Variants in BRINP3 observed in about 807,000 individuals in gnomAD.
BRINP3 encodes the protein BMP/retinoic acid-inducible neural-specific protein 3.
Under a neutral mutation model 71.0 loss-of-function variants are expected in BRINP3, and 19 were observed. That is an observed-to-expected ratio of 0.27 (90% CI 0.19 to 0.39). The LOEUF (loss-of-function observed/expected upper bound fraction) is 0.39, where lower values mean the gene tolerates loss of function less well. Ranked by LOEUF, BRINP3 falls within the 10% of genes least tolerant of loss-of-function variation. The probability of loss-of-function intolerance (pLI) is 1.00; values close to 1 mark genes in which losing one functional copy is unlikely to be tolerated. For missense variants in BRINP3, 959 were observed against 940.8 expected, an observed-to-expected ratio of 1.02 and a Z score of -0.25; for synonymous variants, 380 against 337.7, an observed-to-expected ratio of 1.13 and a Z score of -1.37.
chr1:190,464,131 A>G (rs953397038), intron 1 of BRINP3, among the ~76,000 whole-genome samples: 4 of 145,926 alleles, frequency 2.7e-5, no homozygotes, highest in African/African-American at 1.0e-4. Flanking sequence ...ACGTCTTTCA[A>G]AAAGTGTTTT....
chr1:190,411,158 G>T (rs562418965), intron 2 of BRINP3, among the ~76,000 whole-genome samples: 1 of 152,168 alleles, frequency 6.6e-6, no homozygotes, highest in Non-Finnish European at 1.5e-5. Flanking sequence ...ATACATTAAT[G>T]AACCCTTTCT....
intron 4 of BRINP3, among the ~76,000 whole-genome samples, chr1:190,254,414 G>T (rs1660455048): frequency 6.6e-6 from 1 of 152,012 alleles, no homozygotes; most frequent in East Asian, 1.9e-4. Context: ...AGCATGGAAT[G>T]TTCTTCCATT....
intron 6 of BRINP3, among the ~76,000 whole-genome samples, chr1:190,188,450 T>C (rs986473165): frequency 6.6e-6 from 1 of 152,262 alleles, no homozygotes. Context: ...GGTTTTAGAG[T>C]AAAATCTTTC....
chr1:190,418,441 C>T (rs1673148269), intron 2 of BRINP3, among the ~76,000 whole-genome samples: 1 of 152,088 alleles, frequency 6.6e-6, no homozygotes, highest in Non-Finnish European at 1.5e-5. Flanking sequence ...TTGTTTAAAA[C>T]TCTCCTTTCC....
chr1:190,471,590 A>T (rs1292753455), intron 1 of BRINP3, among the ~76,000 whole-genome samples: 6 of 151,446 alleles, frequency 4.0e-5, no homozygotes, highest in African/African-American at 1.4e-4. Flanking sequence ...TGTCATCCTA[A>T]TTAATTCTAG....
chr1:190,323,958 T>C lies in BRINP3; in HGVS notation c.237-42208A>G, dbSNP rs1415066746. 2.0e-5 allele frequency among the ~76,000 whole-genome samples: 3 copies of C among 152,034 alleles called. No individual in the cohort carries two copies. In the East Asian group the frequency reaches 5.8e-4, roughly 29 times the overall value. ...AAACAAATAAAATATTGGAAAGGTA[T>C]GCTTCTGGCATTACAGAGAGGAACA... On this transcript the variant is annotated intron_variant, in intron 2 of 7. Transcript: ENST00000367462.
At chr1:190,204,377 A>T (rs1459918610) in intron 6 of BRINP3, among the ~76,000 whole-genome samples, 2 of 152,010 alleles carry the variant, frequency 1.3e-5, no homozygotes, top group African/African-American at 4.8e-5. Flanking sequence ...GATTAATAAT[A>T]AAAAATATTT....
At chr1:190,296,521 G>T (rs763759380) in intron 2 of BRINP3, among the ~76,000 whole-genome samples, 2 of 152,022 alleles carry the variant, frequency 1.3e-5, no homozygotes, top group Admixed American at 6.6e-5. Flanking sequence ...ACACAAGGCT[G>T]CCCACACTCA....
At chr1:190,147,898 A>C (rs181092281) in intron 7 of BRINP3, among the ~76,000 whole-genome samples, 1 of 152,294 alleles carries the variant, frequency 6.6e-6, no homozygotes, top group Admixed American at 6.5e-5. Flanking sequence ...TCTAGAAATA[A>C]ACAGGCCTGG....
chr1:190,234,581 A>G (rs370081518), intron 4 of BRINP3, 104 bp from the exon 5 acceptor site: 1 of 791,270 alleles, frequency 1.3e-6, no homozygotes, highest in Middle Eastern at 2.4e-4. Flanking sequence ...GACAGTAAAT[A>G]TCACTGAAAG....
At chr1:190,422,932 C>T (rs1673476205) in intron 2 of BRINP3, among the ~76,000 whole-genome samples, 1 of 151,686 alleles carries the variant, frequency 6.6e-6, no homozygotes, top group Admixed American at 6.6e-5. Context: ...TTCAAATTAT[C>T]ATTGTGTATA....
intron 4 of BRINP3, among the ~76,000 whole-genome samples, chr1:190,249,634 G>A (rs1659946767): frequency 6.6e-6 from 1 of 151,746 alleles, no homozygotes; most frequent in Non-Finnish European, 1.5e-5. Context: ...CATTTTCAAT[G>A]GAAAGGATTC....
At chr1:190,289,225 G>T (rs1310047676) in intron 2 of BRINP3, among the ~76,000 whole-genome samples, 1 of 151,658 alleles carries the variant, frequency 6.6e-6, no homozygotes, top group Non-Finnish European at 1.5e-5. Flanking sequence ...TCATAATAAA[G>T]ATGAGTTTTG....
chr1:190,341,783 A>G (rs1667674137), intron 2 of BRINP3, among the ~76,000 whole-genome samples: 1 of 151,844 alleles, frequency 6.6e-6, no homozygotes, highest in Non-Finnish European at 1.5e-5. Flanking sequence ...ACAGACATAT[A>G]TATGTGTGTG....
chr1:190,422,113 T>A (rs1673427591), intron 2 of BRINP3, among the ~76,000 whole-genome samples: 1 of 151,766 alleles, frequency 6.6e-6, no homozygotes, highest in Non-Finnish European at 1.5e-5. Context: ...CTTTAACATT[T>A]TTTTTACATC....
chr1:190,442,803 T>C (rs1286623141), intron 2 of BRINP3, among the ~76,000 whole-genome samples: 3 of 63,762 alleles, frequency 4.7e-5, no homozygotes, highest in South Asian at 4.6e-4. Flanking sequence ...TGCCTGTGCG[T>C]GTGTGTGTGT....
At chr1:190,255,434 G>T (rs1167497483) in intron 4 of BRINP3, among the ~76,000 whole-genome samples, 1 of 152,032 alleles carries the variant, frequency 6.6e-6, no homozygotes, top group African/African-American at 2.4e-5. Context: ...TGGTTGATAT[G>T]CAATTAATTA....
At chr1:190,360,682 A>G (rs1669085125) in intron 2 of BRINP3, among the ~76,000 whole-genome samples, 1 of 152,024 alleles carries the variant, frequency 6.6e-6, no homozygotes, top group South Asian at 2.1e-4. Context: ...TTTTTTAACC[A>G]GGCTTTATCG....
intron 2 of BRINP3, among the ~76,000 whole-genome samples, chr1:190,451,458 G>A (rs1281588904): frequency 6.6e-6 from 1 of 152,124 alleles, no homozygotes; most frequent in Admixed American, 6.5e-5. Context: ...GAATACAACT[G>A]CAAACACAAG....
Sources: gnomAD v4.1 joint callset for allele counts (sites outside exome capture counted in the v4.1 genomes callset) on GRCh38, gnomAD v4.1.1 for gene constraint, MANE v1.5 for transcripts, NCBI Gene and HGNC (gene_info 2026-07-23, HGNC 2026-07-21) for gene names.